The following TMEM14A variants were observed in gnomAD, a reference collection of about 807,000 sequenced individuals.
TMEM14A encodes the protein transmembrane protein 14A.
A neutral mutation model predicts 11.6 loss-of-function variants in TMEM14A; 8 were observed. That is an observed-to-expected ratio of 0.69 (90% CI 0.40 to 1.24). The LOEUF (loss-of-function observed/expected upper bound fraction) is 1.24. Among genes scored for constraint, TMEM14A ranks in the 50% most tolerant of loss-of-function variants. The pLI is 0.01. For missense variants in TMEM14A, 108 were observed against 121.9 expected, an observed-to-expected ratio of 0.89 and a Z score of 0.54; for synonymous variants, 34 against 45.5, an observed-to-expected ratio of 0.75 and a Z score of 1.02.
At chr6:52,680,676 TATATATAC>T (rs1171490101) in intron 2 of TMEM14A, among the ~76,000 whole-genome samples, 3 of 82,184 alleles carry the variant, frequency 3.7e-5, no homozygotes, top group African/African-American at 8.5e-5. Flanking sequence ...TGTGTATATA[TATATATAC>T]ATATATGTAT....
intron 2 of TMEM14A, 71 bp downstream of exon 2, chr6:52,677,243 C>A: frequency 1.3e-6 from 2 of 1,512,000 alleles, no homozygotes; most frequent in Non-Finnish European, 1.8e-6. Flanking sequence ...TCATGTGAGG[C>A]TCTGTAAGTA....
intron 3 of TMEM14A, among the ~76,000 whole-genome samples, chr6:52,683,634 C>T (rs1326081292): frequency 6.6e-6 from 1 of 151,816 alleles, no homozygotes; most frequent in Non-Finnish European, 1.5e-5. Flanking sequence ...TTTTTTGAGA[C>T]AGAGTTCGCT....
At chr6:52,683,386 G>A (rs1290206322) in intron 3 of TMEM14A, among the ~76,000 whole-genome samples, 4 of 150,568 alleles carry the variant, frequency 2.7e-5, no homozygotes, top group African/African-American at 7.3e-5. Context: ...CTTGAACCCG[G>A]GAGGTGGAGG....
intron 1 of TMEM14A, among the ~76,000 whole-genome samples, chr6:52,675,471 G>A (rs1251708602): frequency 4.6e-5 from 7 of 152,168 alleles, no homozygotes; most frequent in African/African-American, 1.7e-4. Flanking sequence ...GTGAGGGAGG[G>A]GCATGGTCTG....
chr6:52,671,859 C>T (rs190282427), intron 1 of TMEM14A, among the ~76,000 whole-genome samples: 77 of 152,342 alleles, frequency 5.1e-4, no homozygotes, highest in Non-Finnish European at 8.4e-4. Context: ...GTGCTGTGCA[C>T]ATCCTCTCCC....
chr6:52,682,796 G>C (rs1185894390), intron 3 of TMEM14A, among the ~76,000 whole-genome samples: 1 of 151,864 alleles, frequency 6.6e-6, no homozygotes. Context: ...TTTAAATTGT[G>C]GCATTGATGT....
chr6:52,677,973 A>G (rs1324785448), intron 2 of TMEM14A, among the ~76,000 whole-genome samples: 1 of 152,170 alleles, frequency 6.6e-6, no homozygotes, highest in Non-Finnish European at 1.5e-5. Flanking sequence ...GGCAGGTAGA[A>G]TTGACCATCA....
intron 2 of TMEM14A, among the ~76,000 whole-genome samples, chr6:52,679,176 G>A (rs890194356): frequency 1.1e-4 from 17 of 152,166 alleles, no homozygotes; most frequent in Admixed American, 5.9e-4. Flanking sequence ...GGGGTACAGT[G>A]GGGAGAGAGG....
intron 4 of TMEM14A, among the ~76,000 whole-genome samples, 153 bp downstream of exon 4, chr6:52,684,318 G>A (rs975077640): frequency 4.6e-5 from 7 of 152,176 alleles, no homozygotes; most frequent in Non-Finnish European, 1.0e-4. Context: ...GATTCAGTGG[G>A]TCTTTGATAT....
At chr6:52,680,689 A>ATGTGTATATATATATACACATATATG (rs371504929) in intron 2 of TMEM14A, among the ~76,000 whole-genome samples, 2 of 56,952 alleles carry the variant, frequency 3.5e-5, no homozygotes, top group Non-Finnish European at 7.6e-5. Context: ...ATATACATAT[A>ATGTGTATATATATATACACATATATG]TGTATATATA....
chr6:52,677,914 A>G (rs116509669), intron 2 of TMEM14A, among the ~76,000 whole-genome samples: 1,973 of 152,344 alleles, frequency 0.013, 46 homozygotes, highest in African/African-American at 0.044. Context: ...AAAGGCTGCT[A>G]AGAAGTCAAA....
intron 2 of TMEM14A, among the ~76,000 whole-genome samples, chr6:52,680,704 T>TATATATATATATATATATATATAC (rs371102796): frequency 2.0e-5 from 1 of 51,100 alleles, no homozygotes; most frequent in East Asian, 9.2e-4. Flanking sequence ...TATATATATA[T>TATATATATATATATATATATATAC]ACACATATAT....
chr6:52,684,062 T>C lies in TMEM14A; in HGVS notation c.173-16T>C. 4 of 1,609,082 alleles carry C rather than the reference T, an allele frequency of 2.5e-6. No homozygotes were observed. The highest frequency in any genetic ancestry group is 3.4e-6 in the Non-Finnish European group (4 of 1,177,772). ...CATGTTTGAAACTCTGGTTCATGAA[T>C]TAGTTTGGTTTTCAGTTACAGCTTT... On this transcript the variant is annotated splice_polypyrimidine_tract_variant and intron_variant, in intron 3 of 4. Coordinates refer to ENST00000211314, the MANE Select transcript of TMEM14A (RefSeq NM_014051.4).
chr6:52,681,271 T>A (rs951603731), intron 2 of TMEM14A, among the ~76,000 whole-genome samples: 12 of 152,166 alleles, frequency 7.9e-5, no homozygotes, highest in Admixed American at 6.5e-4. Context: ...TGATTCTTCG[T>A]CTTTCTTGGT....
intron 2 of TMEM14A, among the ~76,000 whole-genome samples, chr6:52,680,574 C>A (rs1402175984): frequency 1.4e-4 from 12 of 83,314 alleles, no homozygotes; most frequent in South Asian, 4.5e-4. Context: ...ACATTCTAAG[C>A]CACTATATAT....
At chr6:52,685,940 G>A in intron 4 of TMEM14A, 70 bp from the exon 5 acceptor site, 1 of 1,495,182 alleles carries the variant, frequency 6.7e-7, no homozygotes, top group Non-Finnish European at 9.2e-7. Flanking sequence ...GTAGGCGAGT[G>A]CATGGCCCTT....
intron 3 of TMEM14A, among the ~76,000 whole-genome samples, chr6:52,682,639 T>G (rs1349128754): frequency 6.6e-6 from 1 of 151,984 alleles, no homozygotes; most frequent in African/African-American, 2.4e-5. Context: ...GCTAGGGATA[T>G]TTTTAGTAAT....
intron 2 of TMEM14A, among the ~76,000 whole-genome samples, chr6:52,677,476 A>T (rs1581742967): frequency 6.7e-6 from 1 of 148,300 alleles, no homozygotes. Flanking sequence ...TTAAATGAGG[A>T]TTTTTTTTTT....
intron 2 of TMEM14A, among the ~76,000 whole-genome samples, chr6:52,677,938 G>A (rs780820487): frequency 8.5e-5 from 13 of 152,182 alleles, no homozygotes; most frequent in Non-Finnish European, 1.6e-4. Flanking sequence ...CAGAAGCACC[G>A]TATAGCTCTT....
Sources: allele counts gnomAD v4.1 joint callset (sites outside exome capture counted in the v4.1 genomes callset), GRCh38; gene constraint gnomAD v4.1.1; transcripts MANE v1.5; gene names NCBI Gene and HGNC (gene_info 2026-07-23, HGNC 2026-07-21).